The following UNC5D variants were observed in gnomAD, a reference collection of about 807,000 sequenced individuals.
UNC5D encodes the protein netrin receptor UNC5D.
UNC5D carries 39 observed loss-of-function variants against 105.4 expected under a neutral mutation model. That is an observed-to-expected ratio of 0.37 (90% CI 0.29 to 0.48). The LOEUF (loss-of-function observed/expected upper bound fraction) is 0.48. Among genes scored for constraint, UNC5D ranks in the 20% least tolerant of loss-of-function variants. UNC5D has a pLI of 0.98. For synonymous variants in UNC5D, 452 were observed against 450.4 expected, an observed-to-expected ratio of 1.00 and a Z score of -0.04; for missense variants, 991 against 1,202.4, an observed-to-expected ratio of 0.82 and a Z score of 2.60.
intron 1 of UNC5D, among the ~76,000 whole-genome samples, chr8:35,329,953 G>A (rs1376319811): frequency 6.6e-6 from 1 of 152,178 alleles, no homozygotes; most frequent in Non-Finnish European, 1.5e-5. Flanking sequence ...CAGGCACCCT[G>A]CTGAGTGCTT....
chr8:35,410,801 G>GC, intron 1 of UNC5D, among the ~76,000 whole-genome samples: 1 of 152,148 alleles, frequency 6.6e-6, no homozygotes, highest in South Asian at 2.1e-4. Flanking sequence ...GAAGCGTGGA[G>GC]CCCCCATCTT....
intron 1 of UNC5D, among the ~76,000 whole-genome samples, chr8:35,320,554 C>CA (rs1809661592): frequency 6.6e-6 from 1 of 152,124 alleles, no homozygotes; most frequent in South Asian, 2.1e-4. Flanking sequence ...CAAAATATGT[C>CA]AAAGAAATAT....
chr8:35,600,721 T>A (rs1819809146), intron 4 of UNC5D, among the ~76,000 whole-genome samples: 1 of 152,214 alleles, frequency 6.6e-6, no homozygotes, highest in Non-Finnish European at 1.5e-5. Flanking sequence ...ATGAGTAGGT[T>A]GCAAAAATTG....
intron 4 of UNC5D, among the ~76,000 whole-genome samples, chr8:35,676,637 C>T (rs1257783204): frequency 6.6e-6 from 1 of 152,152 alleles, no homozygotes; most frequent in Non-Finnish European, 1.5e-5. Flanking sequence ...CATGCAAACC[C>T]TTATCATACC....
intron 8 of UNC5D, among the ~76,000 whole-genome samples, chr8:35,713,308 C>T (rs527675606): frequency 6.6e-6 from 1 of 152,246 alleles, no homozygotes; most frequent in South Asian, 2.1e-4. Flanking sequence ...CTCTCAGTAA[C>T]TAAAAATCTG....
In UNC5D at chr8:35,707,167, G is replaced by A. The variant is rs151079115; in HGVS notation, c.1117+1206G>A. Among the ~76,000 whole-genome samples the A allele has an allele frequency of 2.1e-3, 320 of 152,218 alleles. 3 individuals are homozygous for A. Among genetic ancestry groups the A allele is most frequent in the African/African-American group, 7.3e-3 (303 of 41,538 alleles). ...TTTGAGAGAATTAAGACCCTGTGAG[G>A]ATAGACAGAAATAGGTAACTTGGGA... On this transcript the variant is annotated intron_variant, in intron 8 of 16. Transcript: ENST00000404895.
At chr8:35,424,290 GAA>G (rs757877153) in intron 1 of UNC5D, among the ~76,000 whole-genome samples, 4 of 152,234 alleles carry the variant, frequency 2.6e-5, no homozygotes, top group Non-Finnish European at 4.4e-5. Context: ...AGGAATGAGA[GAA>G]ATTAATTTTA....
At chr8:35,275,643 G>A (rs1025554611) in intron 1 of UNC5D, among the ~76,000 whole-genome samples, 1 of 152,154 alleles carries the variant, frequency 6.6e-6, no homozygotes, top group Non-Finnish European at 1.5e-5. Context: ...TCTGGCATAC[G>A]TAGAATCTAA....
intron 16 of UNC5D, among the ~76,000 whole-genome samples, chr8:35,782,934 A>G (rs1315882555): frequency 6.6e-6 from 1 of 152,120 alleles, no homozygotes; most frequent in African/African-American, 2.4e-5. Flanking sequence ...AGGGAACTCA[A>G]GGTGAGCCCT....
At chr8:35,256,945 C>G (rs1360611437) in intron 1 of UNC5D, among the ~76,000 whole-genome samples, 1 of 147,446 alleles carries the variant, frequency 6.8e-6, no homozygotes, top group Non-Finnish European at 1.5e-5. Flanking sequence ...TTTTGGCTCT[C>G]CTGCTCTTTT....
At chr8:35,788,440 A>C (rs1259731279) in intron 16 of UNC5D, among the ~76,000 whole-genome samples, 1 of 152,166 alleles carries the variant, frequency 6.6e-6, no homozygotes, top group Non-Finnish European at 1.5e-5. Context: ...CCCTATGAAG[A>C]ACAGTGACCT....
At chr8:35,657,189 T>C (rs1823834004) in intron 4 of UNC5D, among the ~76,000 whole-genome samples, 1 of 147,326 alleles carries the variant, frequency 6.8e-6, no homozygotes, top group African/African-American at 2.5e-5. Flanking sequence ...TGCTAGAGAT[T>C]TTGTTGTTAC....
chr8:35,359,322 C>T (rs762309436), intron 1 of UNC5D, among the ~76,000 whole-genome samples: 1 of 152,206 alleles, frequency 6.6e-6, no homozygotes, highest in African/African-American at 2.4e-5. Context: ...TGTGAAGTCT[C>T]TCAAAACAAA....
intron 1 of UNC5D, among the ~76,000 whole-genome samples, chr8:35,387,374 AAG>A (rs1491409732): frequency 6.7e-6 from 1 of 149,390 alleles, no homozygotes; most frequent in African/African-American, 2.5e-5. Flanking sequence ...AAAAAAAAAA[AAG>A]AGAAACGCAG....
In UNC5D at chr8:35,236,474, G is replaced by C. The variant is rs1218475245; in HGVS notation, c.103+587G>C. ...CGGGAGAGCGGCGTGCACCATCCCA[G>C]TTTAACCGCGCCTGCAGTGCCCAGC... On this transcript the variant is annotated intron_variant, in intron 1 of 16. Transcript: ENST00000404895. Among the ~76,000 whole-genome samples, 3 of 152,262 alleles carry C rather than the reference G, an allele frequency of 2.0e-5. No individual in the cohort carries two copies. In the South Asian group the frequency reaches 6.2e-4, roughly 31 times the overall value.
At chr8:35,261,639 T>TG (rs932654618) in intron 1 of UNC5D, among the ~76,000 whole-genome samples, 9 of 115,258 alleles carry the variant, frequency 7.8e-5, no homozygotes, top group South Asian at 2.9e-4. Flanking sequence ...TGTAGGGGGG[T>TG]GGGGGGCGTG....
At chr8:35,753,581 C>A (rs1830385899) in intron 13 of UNC5D, among the ~76,000 whole-genome samples, 1 of 152,170 alleles carries the variant, frequency 6.6e-6, no homozygotes, top group South Asian at 2.1e-4. Flanking sequence ...TAGTAAAACT[C>A]TTTAATTTTG....
At chr8:35,295,778 A>G (rs927335721) in intron 1 of UNC5D, among the ~76,000 whole-genome samples, 1 of 152,218 alleles carries the variant, frequency 6.6e-6, no homozygotes, top group Non-Finnish European at 1.5e-5. Context: ...TTAGCTCTCC[A>G]GAACTTCATC....
At chr8:35,620,278 C>T (rs1371879817) in intron 4 of UNC5D, among the ~76,000 whole-genome samples, 1 of 152,194 alleles carries the variant, frequency 6.6e-6, no homozygotes, top group East Asian at 1.9e-4. Context: ...GAAACTCCGG[C>T]TTCTCGGGCT....
Sources: allele counts gnomAD v4.1 joint callset (sites outside exome capture counted in the v4.1 genomes callset), GRCh38; gene constraint gnomAD v4.1.1; transcripts MANE v1.5; gene names NCBI Gene and HGNC (gene_info 2026-07-23, HGNC 2026-07-21).